The following RAP1GAP2 variants were observed in gnomAD, a reference collection of about 807,000 sequenced individuals.
The protein encoded by RAP1GAP2 is rap1 GTPase-activating protein 2.
RAP1GAP2 carries 27 observed loss-of-function variants against 95.0 expected under a neutral mutation model. The ratio of observed to expected loss-of-function variants is 0.28; its 90% CI spans 0.21 to 0.39. The LOEUF (loss-of-function observed/expected upper bound fraction) is 0.39. RAP1GAP2 is among the 10% of genes least tolerant of loss of function. The pLI, the probability that RAP1GAP2 is intolerant of heterozygous loss-of-function variation, is 1.00. For missense variants in RAP1GAP2, 771 were observed against 970.0 expected (o/e 0.79, Z 2.72); for synonymous variants, 373 against 380.9 (o/e 0.98, Z 0.24).
chr17:2,853,952 G>C (rs1036646077), intron 2 of RAP1GAP2: 19 of 982,762 alleles, frequency 1.9e-5, no homozygotes, highest in Non-Finnish European at 2.3e-5. Flanking sequence ...CCGGGGCTGC[G>C]GGGACGCGGG....
At chr17:2,787,094 G>A (rs922709577) in intron 1 of RAP1GAP2, among the ~76,000 whole-genome samples, 3 of 151,658 alleles carry the variant, frequency 2.0e-5, no homozygotes, top group African/African-American at 7.3e-5. Context: ...GGGGTTATAG[G>A]CGCATGCCAC....
intron 3 of RAP1GAP2, among the ~76,000 whole-genome samples, chr17:2,956,327 C>T (rs1355866204): frequency 6.6e-6 from 1 of 152,208 alleles, no homozygotes; most frequent in Non-Finnish European, 1.5e-5. Context: ...AGCTTTTTGC[C>T]TCTGACACGC....
chr17:2,775,388 G>A (rs1567638731), upstream of RAP1GAP2, among the ~76,000 whole-genome samples: 2 of 152,004 alleles, frequency 1.3e-5, no homozygotes, highest in South Asian at 2.1e-4. Flanking sequence ...TGGAAGAGGT[G>A]GAAGTCCTCT....
In RAP1GAP2 at chr17:3,005,466, C is replaced by T. The variant is rs1190752431; in HGVS notation, c.1272+26C>T. The T allele has an allele frequency of 6.3e-7, 1 of 1,591,650 alleles. No homozygotes were observed. Among genetic ancestry groups the T allele is most frequent in the Non-Finnish European group, 8.6e-7 (1 of 1,159,600 alleles). ...GTAGGACACTCTTCCTTCTGCCCCTCTCGCATCCACGATGCCAGGTCTCAG... is the reference window on the plus strand; with the variant it reads ...GTAGGACACTCTTCCTTCTGCCCCTTTCGCATCCACGATGCCAGGTCTCAG... On this transcript the variant is annotated intron_variant, in intron 15 of 24. Transcript: ENST00000254695. The surrounding 1 kb of genome is among the most constrained non-coding windows in gnomAD (Gnocchi z 5.2).
Position 2,876,094 on chromosome 17 carries a change from C to T in RAP1GAP2, c.81-29190C>T, listed in dbSNP as rs184292099. 6.2e-3 allele frequency among the ~76,000 whole-genome samples: 936 copies of T among 151,834 alleles called. 13 individuals are homozygous for T. The highest frequency in any genetic ancestry group is 0.021 in the African/African-American group (851 of 41,366). On this transcript the variant is annotated intron_variant, in intron 2 of 24. Transcript: ENST00000254695. ...CTGGGACTACAGGCACCCGCCCCCACGCCCGGCTAATTTTTTGTATTTTTA... is the reference window on the plus strand; with the variant it reads ...CTGGGACTACAGGCACCCGCCCCCATGCCCGGCTAATTTTTTGTATTTTTA...
At chr17:2,969,297 T>C (rs1021532439) in intron 8 of RAP1GAP2, among the ~76,000 whole-genome samples, 1 of 151,792 alleles carries the variant, frequency 6.6e-6, no homozygotes, top group Non-Finnish European at 1.5e-5. Flanking sequence ...AGTAGATCAG[T>C]GGTTTTCTGT....
Position 2,796,803 on chromosome 17 carries a change from G to A in RAP1GAP2, c.44+232G>A, listed in dbSNP as rs905901871. ...CTGGCGAATCCTGGAGGTCTGCGCC[G>A]GCTGCCCGTGGGGAGGTGGATAGCA... On this transcript the variant is annotated intron_variant, in intron 1 of 24. Coordinates refer to ENST00000254695, the MANE Select transcript of RAP1GAP2 (RefSeq NM_015085.5). The surrounding 1 kb of genome is among the most constrained non-coding windows in gnomAD (Gnocchi z 4.7). Among the ~76,000 whole-genome samples, 3 of 152,108 alleles carry A rather than the reference G, an allele frequency of 2.0e-5. No individual in the cohort carries two copies. The highest frequency in any genetic ancestry group is 2.0e-4 in the Admixed American group (3 of 15,258).
At chr17:3,018,856 A>G (rs2046864883) in intron 18 of RAP1GAP2, among the ~76,000 whole-genome samples, 1 of 152,088 alleles carries the variant, frequency 6.6e-6, no homozygotes, top group Non-Finnish European at 1.5e-5. Flanking sequence ...CAAGGTCAGG[A>G]GTTCAAGACC....
At position 3,027,599 on chromosome 17, in the gene RAP1GAP2, G is replaced by A. The variant is rs999702571; in HGVS notation, c.2107+529G>A. Reference sequence around the variant, plus strand: ...AGAGCCAGGCGTCAGAGAGGCCGGAGCGTTGACAGGCTGGGTCAGCCCCGG... The same window carrying A: ...AGAGCCAGGCGTCAGAGAGGCCGGAACGTTGACAGGCTGGGTCAGCCCCGG... On this transcript the variant is annotated intron_variant, in intron 22 of 24. Transcript: ENST00000254695. This position sits in a 1 kb window ranked among gnomAD's most constrained non-coding sequence, Gnocchi z 5.2. 2.7e-5 allele frequency among the ~76,000 whole-genome samples: 4 copies of A among 150,704 alleles called. No homozygotes were observed. The Admixed American group carries it at 2.7e-4, about 10-fold the overall frequency.
upstream of RAP1GAP2, among the ~76,000 whole-genome samples, chr17:2,792,797 G>A (rs1290076109): frequency 2.0e-5 from 3 of 152,220 alleles, no homozygotes; most frequent in Non-Finnish European, 2.9e-5. Context: ...CGGAGGCCTC[G>A]AAACGCACCC....
At chr17:2,967,386 GACA>G (rs962490781) in intron 8 of RAP1GAP2, among the ~76,000 whole-genome samples, 8 of 135,030 alleles carry the variant, frequency 5.9e-5, no homozygotes, top group East Asian at 3.0e-4. Flanking sequence ...CAACAACGAT[GACA>G]ACAACAACGA....
intron 2 of RAP1GAP2, among the ~76,000 whole-genome samples, chr17:2,854,620 C>T (rs1371325860): frequency 6.6e-6 from 1 of 152,218 alleles, no homozygotes; most frequent in Non-Finnish European, 1.5e-5. Flanking sequence ...TTTGCCTCTT[C>T]GCCTTTCTGG....
chr17:2,806,710 T>A (rs931185994), intron 2 of RAP1GAP2, among the ~76,000 whole-genome samples: 1 of 150,656 alleles, frequency 6.6e-6, no homozygotes, highest in Non-Finnish European at 1.5e-5. Flanking sequence ...TATTATTATT[T>A]TTATTTATTA....
At chr17:3,030,139 ATATGT>A (rs1383605311) in intron 22 of RAP1GAP2, among the ~76,000 whole-genome samples, 1 of 144,208 alleles carries the variant, frequency 6.9e-6, no homozygotes, top group Non-Finnish European at 1.5e-5. Context: ...CATATATATT[ATATGT>A]TATATGTATA....
chr17:2,863,977 G>A (rs900196824), intron 2 of RAP1GAP2, among the ~76,000 whole-genome samples: 14 of 152,046 alleles, frequency 9.2e-5, no homozygotes, highest in Non-Finnish European at 1.8e-4. Flanking sequence ...GCTTGAACCC[G>A]GGAGGCGGAG....
At chr17:2,918,685 AG>A (rs1305050538) in intron 3 of RAP1GAP2, among the ~76,000 whole-genome samples, 1 of 151,990 alleles carries the variant, frequency 6.6e-6, no homozygotes, top group Non-Finnish European at 1.5e-5. Context: ...GGCACCAGGG[AG>A]GGGATGGTGG....
At chr17:2,780,297 C>T (rs113663973) in intron 1 of RAP1GAP2, among the ~76,000 whole-genome samples, 21,867 of 152,226 alleles carry the variant, frequency 0.14, 1,813 homozygotes, top group East Asian at 0.33. Flanking sequence ...GTGATCCGCC[C>T]GCCCTGGCCT....
At chr17:2,908,524 C>T (rs1299853911) in intron 3 of RAP1GAP2, among the ~76,000 whole-genome samples, 2 of 151,672 alleles carry the variant, frequency 1.3e-5, no homozygotes, top group East Asian at 1.9e-4. Flanking sequence ...TCGGAGGGGC[C>T]GGTGGGGTTG....
intron 1 of RAP1GAP2, among the ~76,000 whole-genome samples, chr17:2,789,689 G>A (rs530021965): frequency 1.4e-5 from 2 of 147,662 alleles, no homozygotes; most frequent in African/African-American, 5.0e-5. Flanking sequence ...GGCTGAGGCA[G>A]GAGAATTGCT....
Sources: allele counts gnomAD v4.1 joint callset (sites outside exome capture counted in the v4.1 genomes callset), GRCh38; gene constraint gnomAD v4.1.1; non-coding constraint Gnocchi (gnomAD v3.1); transcripts MANE v1.5; gene names NCBI Gene and HGNC (gene_info 2026-07-23, HGNC 2026-07-21).